Variants in SORCS2 observed in about 807,000 individuals in gnomAD.
The protein encoded by SORCS2 is sortilin related VPS10 domain containing receptor 2.
Under a neutral mutation model 141.6 loss-of-function variants are expected in SORCS2, and 100 were observed. The observed-to-expected ratio is 0.71, with a 90% CI of 0.60 to 0.83. SORCS2 has a LOEUF of 0.83. Among genes scored for constraint, SORCS2 ranks in the 40% least tolerant of loss-of-function variants. The pLI, the probability that SORCS2 is intolerant of heterozygous loss-of-function variation, is 0.00. For synonymous variants in SORCS2, 789 were observed against 676.9 expected, an observed-to-expected ratio of 1.17 and a Z score of -2.57; for missense variants, 1,646 against 1,560.2, an observed-to-expected ratio of 1.05 and a Z score of -0.93.
intron 1 of SORCS2, among the ~76,000 whole-genome samples, chr4:7,374,269 A>C (rs568568285): frequency 1.2e-4 from 18 of 151,960 alleles, no homozygotes; most frequent in African/African-American, 4.3e-4. Context: ...TATTGGAAAG[A>C]GAGATGTGGG....
intron 2 of SORCS2, among the ~76,000 whole-genome samples, chr4:7,465,214 G>A (rs939744401): frequency 1.3e-5 from 2 of 152,230 alleles, no homozygotes; most frequent in Non-Finnish European, 2.9e-5. Flanking sequence ...CTGCTCCATG[G>A]CAACATTCTC....
At chr4:7,691,072 A>T (rs113271141) in intron 11 of SORCS2, among the ~76,000 whole-genome samples, 542 of 152,300 alleles carry the variant, frequency 3.6e-3, no homozygotes, top group Middle Eastern at 6.8e-3. Flanking sequence ...GCAGACACTG[A>T]ACAGCAGAGG....
At chr4:7,617,886 T>A (rs1390697182) in intron 3 of SORCS2, among the ~76,000 whole-genome samples, 2 of 152,174 alleles carry the variant, frequency 1.3e-5, no homozygotes, top group African/African-American at 4.8e-5. Context: ...GCCCCAGCTC[T>A]GCCTCACCTT....
chr4:7,592,179 G>A (rs978316443), intron 3 of SORCS2, among the ~76,000 whole-genome samples: 5 of 152,150 alleles, frequency 3.3e-5, no homozygotes, highest in Admixed American at 2.0e-4. Flanking sequence ...TGTTTATGGC[G>A]GCCTTGCCTG....
intron 8 of SORCS2, among the ~76,000 whole-genome samples, chr4:7,673,719 G>A (rs573100562): frequency 1.3e-5 from 2 of 152,140 alleles, no homozygotes; most frequent in Non-Finnish European, 2.9e-5. Context: ...CATTTACCCA[G>A]GTTATGTAAA....
At chr4:7,488,156 C>T (rs1278970418) in intron 2 of SORCS2, among the ~76,000 whole-genome samples, 1 of 152,250 alleles carries the variant, frequency 6.6e-6, no homozygotes, top group Non-Finnish European at 1.5e-5. Flanking sequence ...AGTGACCAGT[C>T]TGCCATGGTC....
At chr4:7,334,660 C>T (rs1208827237) in intron 1 of SORCS2, among the ~76,000 whole-genome samples, 1 of 152,112 alleles carries the variant, frequency 6.6e-6, no homozygotes, top group African/African-American at 2.4e-5. Context: ...GCGCTGAGGA[C>T]ACAGGGGAGG....
intron 2 of SORCS2, among the ~76,000 whole-genome samples, chr4:7,461,521 G>T (rs1729310685): frequency 6.6e-6 from 1 of 152,252 alleles, no homozygotes. Flanking sequence ...GCACTGTGCT[G>T]GGATTTTCAT....
intron 2 of SORCS2, 110 bp from the exon 3 acceptor site, chr4:7,531,420 C>T (rs1577705329): frequency 2.1e-6 from 2 of 968,018 alleles, no homozygotes; most frequent in East Asian, 5.3e-5. Context: ...CTCAGGGTGT[C>T]TGGGGCACTC....
intron 3 of SORCS2, among the ~76,000 whole-genome samples, chr4:7,610,645 A>G (rs972196904): frequency 6.6e-6 from 1 of 152,158 alleles, no homozygotes; most frequent in African/African-American, 2.4e-5. Flanking sequence ...GAGGGGGCAC[A>G]TTCTGTGCTC....
At chr4:7,538,879 C>T (rs550027783) in intron 3 of SORCS2, among the ~76,000 whole-genome samples, 22 of 152,274 alleles carry the variant, frequency 1.4e-4, no homozygotes, top group Admixed American at 3.9e-4. Context: ...CAAAGTATTG[C>T]GGAAAGTGAA....
At chr4:7,673,594 C>G (rs993921881) in intron 8 of SORCS2, among the ~76,000 whole-genome samples, 1 of 152,214 alleles carries the variant, frequency 6.6e-6, no homozygotes, top group Non-Finnish European at 1.5e-5. Context: ...AAAGCCCAAA[C>G]GTAAACATTT....
chr4:7,582,542 C>T (rs371231772), intron 3 of SORCS2, among the ~76,000 whole-genome samples: 11 of 152,280 alleles, frequency 7.2e-5, no homozygotes, highest in Middle Eastern at 3.4e-3. Context: ...CTAAGCCATT[C>T]GTAGATGACC....
Position 7,656,329 on chromosome 4 carries a change from G to A in SORCS2, c.887+2122G>A, listed in dbSNP as rs577919304. On this transcript the variant is annotated intron_variant, in intron 5 of 26. Coordinates refer to ENST00000507866, the MANE Select transcript of SORCS2 (RefSeq NM_020777.3). ...CCCACCCTGCCCTCAGTGTCTCCAC[G>A]CCCCAGAACAGAATCATAACAGCAG... is the stretch of plus-strand genomic sequence containing the variant. Among the ~76,000 whole-genome samples the A allele has an allele frequency of 2.0e-4, 31 of 151,774 alleles. No homozygotes were observed. The South Asian group carries it at 5.4e-3, about 27-fold the overall frequency.
intron 19 of SORCS2, 66 bp downstream of exon 19, chr4:7,723,949 G>C: frequency 6.8e-7 from 1 of 1,469,314 alleles, no homozygotes; most frequent in Non-Finnish European, 9.0e-7. Context: ...GGCTTTGGGG[G>C]AAACACAGGG....
At chr4:7,194,691 C>T (rs561400570) in intron 1 of SORCS2, among the ~76,000 whole-genome samples, 115 of 152,218 alleles carry the variant, frequency 7.6e-4, no homozygotes, top group African/African-American at 2.7e-3. Flanking sequence ...GAGTTCTCTC[C>T]ATCTGCACCT....
At chr4:7,689,444 C>T (rs753400941) in intron 10 of SORCS2, 42 bp from the exon 11 acceptor site, 16 of 1,542,296 alleles carry the variant, frequency 1.0e-5, no homozygotes, top group East Asian at 2.4e-5. Flanking sequence ...AAGGATGCTC[C>T]TACTCATGTG....
chr4:7,395,180 G>A (rs1050904010), intron 1 of SORCS2, among the ~76,000 whole-genome samples: 1 of 152,186 alleles, frequency 6.6e-6, no homozygotes, highest in Non-Finnish European at 1.5e-5. Flanking sequence ...CCCTCCTCAT[G>A]TCCTCCCTGC....
At chr4:7,591,995 A>G (rs959016578) in intron 3 of SORCS2, among the ~76,000 whole-genome samples, 3 of 148,536 alleles carry the variant, frequency 2.0e-5, no homozygotes, top group Non-Finnish European at 4.5e-5. Context: ...TGCAGATGAG[A>G]AAAAAAAAAT....
Sources: gnomAD v4.1 joint callset for allele counts (sites outside exome capture counted in the v4.1 genomes callset) on GRCh38, gnomAD v4.1.1 for gene constraint, MANE v1.5 for transcripts, NCBI Gene and HGNC (gene_info 2026-07-23, HGNC 2026-07-21) for gene names.